NUP205: variants seen among roughly 807,000 people sequenced by gnomAD.
NUP205 encodes the protein nuclear pore complex protein Nup205.
In NUP205, 76 loss-of-function variants were observed where a neutral mutation model predicts 253.8. The ratio of observed to expected loss-of-function variants is 0.30; its 90% CI spans 0.25 to 0.36. NUP205 has a LOEUF of 0.36. Ranked by LOEUF, NUP205 falls within the 10% of genes least tolerant of loss-of-function variation. The pLI is 1.00. For synonymous variants in NUP205, 832 were observed against 850.1 expected (o/e 0.98, Z 0.37); for missense variants, 2,162 against 2,425.5 (o/e 0.89, Z 2.28).
Position 135,593,024 on chromosome 7 carries a change from C to T in NUP205, c.1662C>T (p.Ser554=). 6.2e-7 allele frequency: 1 copy of T among 1,613,784 alleles called. No individual in the cohort carries two copies. The highest frequency in any genetic ancestry group is 8.5e-7 in the Non-Finnish European group (1 of 1,179,862). The part of the protein sequence containing the change: ...NIQGAGGSPV[S]WEHFFHSLML... The stretch of plus-strand genomic sequence containing the variant: ...AGGGAGCAGGTGGCAGTCCTGTTTC[C>T]TGGGAACATTTCTTTCACTCCTTGA... The change falls in exon 12 of 43, where the codon TCC becomes TCT. Residue 554 remains serine (S), a synonymous_variant. Coordinates refer to ENST00000285968, the MANE Select transcript of NUP205 (RefSeq NM_015135.3).
chr7:135,597,949 C>G, intron 14 of NUP205, 49 bp from the exon 15 acceptor site: 1 of 1,427,438 alleles, frequency 7.0e-7, no homozygotes, highest in Non-Finnish European at 9.9e-7. Context: ...CTCTTCACTT[C>G]ATAGCTAATA....
chr7:135,630,433 T>G lies in NUP205; in HGVS notation c.5022T>G (p.Ala1674=), dbSNP rs545604140. The change falls in exon 35 of 43, where the codon GCT becomes GCG. Residue 1674 remains alanine (A), a synonymous_variant. Coordinates refer to ENST00000285968, the MANE Select transcript of NUP205 (RefSeq NM_015135.3). ...GTGCTGGGTCTTTGCAGGAATTGGC[T>G]CTGCTGACAGGAATTATAAGTAAAG... is the stretch of plus-strand genomic sequence containing the variant. ...DVSAGSLQEL[A]LLTGIISKAA... is the part of the protein sequence containing the mutation. 2 of 1,610,548 alleles carry G rather than the reference T, an allele frequency of 1.2e-6. No individual in the cohort carries two copies. Among genetic ancestry groups the G allele is most frequent in the South Asian group, 2.2e-5 (2 of 90,786 alleles).
At chr7:135,628,482 A>G (rs1794640472) in intron 34 of NUP205, among the ~76,000 whole-genome samples, 2 of 152,198 alleles carry the variant, frequency 1.3e-5, no homozygotes, top group African/African-American at 4.8e-5. Context: ...ATGGTGGCTC[A>G]CGCCTGTAAT....
chr7:135,645,993 A>G, intron 41 of NUP205, 165 bp from the exon 42 acceptor site: 1 of 615,444 alleles, frequency 1.6e-6, no homozygotes, highest in Non-Finnish European at 2.9e-6. Context: ...GACCAGTGAA[A>G]TGCTTTCTAG....
At chr7:135,626,428 C>A in intron 33 of NUP205, 67 bp downstream of exon 33, 2 of 1,513,324 alleles carry the variant, frequency 1.3e-6, no homozygotes, top group African/African-American at 1.4e-5. Context: ...AGAAAAAATT[C>A]CAAACATAAT....
At chr7:135,592,927 A>G (rs1258250991) in intron 11 of NUP205, 60 bp from the exon 12 acceptor site, 14 of 1,224,506 alleles carry the variant, frequency 1.1e-5, no homozygotes, top group East Asian at 4.7e-5. Flanking sequence ...TTTTCTCTCC[A>G]TTTCCCAGCA....
intron 10 of NUP205, among the ~76,000 whole-genome samples, chr7:135,589,253 G>A (rs115660134): frequency 0.013 from 2,006 of 148,704 alleles, 89 homozygotes; most frequent in African/African-American, 0.047. Flanking sequence ...TGCAATGTGT[G>A]TGTGTGTGTT....
At chr7:135,630,545 G>C (rs770150415) in intron 35 of NUP205, 75 bp downstream of exon 35, 2 of 1,392,006 alleles carry the variant, frequency 1.4e-6, no homozygotes, top group Non-Finnish European at 1.9e-6. Context: ...GAGTTTTTTT[G>C]TTACTTTGCA....
Position 135,598,226 on chromosome 7 carries a change from C to CT in NUP205, c.2274+25dup. On this transcript the variant is annotated intron_variant, in intron 15 of 42. Transcript: ENST00000285968. ...TGAAAAGGTTATGTTCAGAGAAAAGCTTTTTTCTCCTTATGCATTTACTGC... is the reference window on the plus strand; with the variant it reads ...TGAAAAGGTTATGTTCAGAGAAAAGCTTTTTTTCTCCTTATGCATTTACTGC... 6.3e-7 allele frequency: 1 copy of CT among 1,594,624 alleles called. No individual in the cohort carries two copies. The highest frequency in any genetic ancestry group is 1.1e-5 in the South Asian group (1 of 90,404).
chr7:135,623,097 G>T (rs1191986431), intron 31 of NUP205, among the ~76,000 whole-genome samples, 172 bp downstream of exon 31: 1 of 152,076 alleles, frequency 6.6e-6, no homozygotes, highest in African/African-American at 2.4e-5. Context: ...GGGCAACATG[G>T]TGAAACCCCG....
intron 1 of NUP205, among the ~76,000 whole-genome samples, chr7:135,563,807 A>C (rs976838966): frequency 6.6e-6 from 1 of 151,990 alleles, no homozygotes; most frequent in African/African-American, 2.4e-5. Context: ...CAACATAGCA[A>C]CATCCCAGTT....
intron 8 of NUP205, among the ~76,000 whole-genome samples, chr7:135,586,531 TTC>T (rs1251486898): frequency 1.3e-5 from 2 of 152,208 alleles, no homozygotes; most frequent in African/African-American, 4.8e-5. Context: ...TTTTAAATAT[TTC>T]TTTTTTCTAA....
chr7:135,602,891 C>G lies in NUP205; in HGVS notation c.2599C>G (p.Leu867Val). ...LQKENLFMDL[L>V]RESQLALIVC... Reference sequence around the variant, plus strand: ...AAAGGAAAATCTTTTTATGGACCTTCTAAGAGAGAGTCAACTGGCTCTAAT... The same window carrying G: ...AAAGGAAAATCTTTTTATGGACCTTGTAAGAGAGAGTCAACTGGCTCTAAT... Residue 867 changes from leucine (L) to valine (V), a missense_variant, in exon 18 of 43, where the codon CTA (leucine) becomes GTA (valine). Physicochemically the swap from Leu to Val is conservative, Grantham distance 32 (BLOSUM62 1). This residue lies in a region of NUP205 where 892 missense variants were observed against 957.1 expected (regional missense o/e 0.93). Coordinates refer to ENST00000285968, the MANE Select transcript of NUP205 (RefSeq NM_015135.3). The G allele has an allele frequency of 6.2e-7, 1 of 1,613,788 alleles. No homozygotes were observed. Among genetic ancestry groups the G allele is most frequent in the Non-Finnish European group, 8.5e-7 (1 of 1,179,730 alleles).
chr7:135,565,622 G>C (rs1292563020), intron 1 of NUP205, among the ~76,000 whole-genome samples: 1 of 151,792 alleles, frequency 6.6e-6, no homozygotes, highest in Non-Finnish European at 1.5e-5. Flanking sequence ...AGTAGAGATG[G>C]GGTTTCTCTA....
chr7:135,599,170 ACTTTGTATTT>A (rs1793911579), intron 15 of NUP205, among the ~76,000 whole-genome samples: 1 of 152,126 alleles, frequency 6.6e-6, no homozygotes, highest in African/African-American at 2.4e-5. Context: ...TAGTTATATT[ACTTTGTATTT>A]CTTTTTTGTC....
chr7:135,643,426 A>G lies in NUP205; in HGVS notation c.5559+68A>G, dbSNP rs546452047. On this transcript the variant is annotated intron_variant, in intron 39 of 42. Transcript: ENST00000285968. ...GCTGTTACTAGGCCAGGGTACTCAGACTGAGTAAAGACAACGTATACAGTA... is the reference window on the plus strand; with the variant it reads ...GCTGTTACTAGGCCAGGGTACTCAGGCTGAGTAAAGACAACGTATACAGTA... 2,390 of 1,033,258 alleles carry G rather than the reference A, an allele frequency of 2.3e-3. 6 individuals are homozygous for G. The highest frequency in any genetic ancestry group is 5.0e-3 in the South Asian group (235 of 46,604). 64.0% of individuals were successfully genotyped at this position (1,033,258 alleles called of 1,614,324 possible). A position where few individuals can be genotyped will look rare whatever the true frequency, so the allele number is the denominator to read the frequency against.
chr7:135,571,130 A>G lies in NUP205; in HGVS notation c.54A>G (p.Lys18=). 1 of 1,552,298 alleles carries G rather than the reference A, an allele frequency of 6.4e-7. No homozygotes were observed. Among genetic ancestry groups the G allele is most frequent in the Non-Finnish European group, 8.7e-7 (1 of 1,149,634 alleles). ...NSAASLWGPY[K]DIWHKVGNAL... ...CTGCTAGTCTATGGGGTCCTTACAA[A>G]GACATTTGGCATAAAGTGGGAAATG... is the stretch of plus-strand genomic sequence containing the variant. Residue 18 remains lysine (K), a synonymous_variant, in exon 2 of 43, where the codon AAA becomes AAG. Transcript: ENST00000285968.
rs1031529343 is a variant in NUP205, at chr7:135,628,211, A to G, written c.4932+100A>G. 7.0e-5 allele frequency: 81 copies of G among 1,153,834 alleles called. No homozygotes were observed. In the Middle Eastern group the frequency reaches 1.4e-3, roughly 20 times the overall value. The allele number at this position is 1,153,834 out of a possible 1,614,324, so 71.5% of individuals were successfully genotyped here. On this transcript the variant is annotated intron_variant, in intron 34 of 42. Transcript: ENST00000285968. ...TAGAATGCTTAAGTGAATTTACGTT[A>G]GTCCTAATGTTTGTGGCAGAGCAGG...
At chr7:135,600,496 C>A (rs1441499792) in intron 15 of NUP205, among the ~76,000 whole-genome samples, 1 of 152,166 alleles carries the variant, frequency 6.6e-6, no homozygotes, top group Non-Finnish European at 1.5e-5. Flanking sequence ...AGATTCTTTG[C>A]AGGCAGGCTT....
Sources: allele counts gnomAD v4.1 joint callset (sites outside exome capture counted in the v4.1 genomes callset), GRCh38; gene constraint gnomAD v4.1.1; regional missense constraint gnomAD v4.1.1; transcripts MANE v1.5; gene names NCBI Gene and HGNC (gene_info 2026-07-23, HGNC 2026-07-21).